Variants in ADAMTSL1 observed in about 807,000 individuals in gnomAD.
ADAMTSL1 encodes ADAMTS like 1.
In ADAMTSL1, 126 loss-of-function variants were observed where a neutral mutation model predicts 201.8. The observed-to-expected ratio is 0.62, with a 90% confidence interval of 0.54 to 0.72. ADAMTSL1 has a LOEUF of 0.72. Ranked by LOEUF, ADAMTSL1 falls within the 30% of genes least tolerant of loss-of-function variation. ADAMTSL1 has a pLI of 0.00. For synonymous variants in ADAMTSL1, 1,121 were observed against 903.4 expected, an observed-to-expected ratio of 1.24 and a Z score of -4.32; for missense variants, 2,679 against 2,277.8, an observed-to-expected ratio of 1.18 and a Z score of -3.59.
At chr9:18,490,068 C>G (rs1822192444) in intron 1 of ADAMTSL1, among the ~76,000 whole-genome samples, 1 of 152,202 alleles carries the variant, frequency 6.6e-6, no homozygotes, top group Admixed American at 6.5e-5. Flanking sequence ...GGACCAATTC[C>G]TCAGCTGGGA....
chr9:17,943,949 T>A (rs943400837), intron 1 of ADAMTSL1, among the ~76,000 whole-genome samples: 1 of 151,702 alleles, frequency 6.6e-6, no homozygotes, highest in Non-Finnish European at 1.5e-5. Context: ...AGAGAGGGAA[T>A]AGGGAGAGAG....
chr9:18,672,679 A>G (rs1829894652), intron 9 of ADAMTSL1, among the ~76,000 whole-genome samples: 1 of 152,134 alleles, frequency 6.6e-6, no homozygotes, highest in Non-Finnish European at 1.5e-5. Context: ...ACATTTGAGC[A>G]TTTTTCCATG....
chr9:18,473,633 T>C (rs890947095), upstream of ADAMTSL1, among the ~76,000 whole-genome samples: 2 of 152,202 alleles, frequency 1.3e-5, no homozygotes, highest in African/African-American at 4.8e-5. Flanking sequence ...AAAACAGTTG[T>C]ACAGAACACA....
At chr9:18,759,732 A>C (rs1819961219) in intron 16 of ADAMTSL1, among the ~76,000 whole-genome samples, 1 of 152,170 alleles carries the variant, frequency 6.6e-6, no homozygotes, top group African/African-American at 2.4e-5. Flanking sequence ...ATTTTGATGG[A>C]TGTGCAGCTG....
intron 2 of ADAMTSL1, among the ~76,000 whole-genome samples, chr9:18,322,560 G>A (rs981789728): frequency 1.3e-5 from 2 of 152,086 alleles, no homozygotes; most frequent in African/African-American, 2.4e-5. Flanking sequence ...TTGAACCTGG[G>A]AAATAGAGGT....
intron 14 of ADAMTSL1, among the ~76,000 whole-genome samples, chr9:18,720,422 G>A (rs1450988172): frequency 1.3e-5 from 2 of 152,200 alleles, no homozygotes; most frequent in African/African-American, 4.8e-5. Flanking sequence ...TCCTGTATAT[G>A]TTAGCTACTG....
intron 2 of ADAMTSL1, among the ~76,000 whole-genome samples, chr9:18,314,934 C>A (rs1405386343): frequency 1.3e-5 from 2 of 150,600 alleles, no homozygotes; most frequent in Non-Finnish European, 3.0e-5. Context: ...GTAGCTGGGA[C>A]TACAGGCGCC....
intron 23 of ADAMTSL1, among the ~76,000 whole-genome samples, chr9:18,860,324 G>A (rs1427642367): frequency 6.6e-6 from 1 of 152,156 alleles, no homozygotes; most frequent in Non-Finnish European, 1.5e-5. Context: ...CCCTCGACCA[G>A]GGGTTGGTCC....
At position 18,847,751 on chromosome 9, in the gene ADAMTSL1, C is replaced by A. The variant is rs965494716; in HGVS notation, c.4249+17774C>A. On this transcript the variant is annotated intron_variant, in intron 23 of 28. Coordinates refer to ENST00000380548, the MANE Select transcript of ADAMTSL1 (RefSeq NM_001040272.6). Reference sequence around the variant, plus strand: ...CATGCCTAGTGTGTTCCAGGAACAACAAAAAGGCCAGTGTGGCCACAATGA... The same window carrying A: ...CATGCCTAGTGTGTTCCAGGAACAAAAAAAAGGCCAGTGTGGCCACAATGA... Among the ~76,000 whole-genome samples, 21 of 152,212 alleles carry A rather than the reference C, an allele frequency of 1.4e-4. No individual in the cohort carries two copies. In the East Asian group the frequency reaches 3.7e-3, roughly 27 times the overall value.
At chr9:18,816,800 T>G (rs1823882700) in intron 20 of ADAMTSL1, among the ~76,000 whole-genome samples, 1 of 129,492 alleles carries the variant, frequency 7.7e-6, no homozygotes. Context: ...AATTTACAAA[T>G]AATAGTTGTG....
At chr9:18,193,470 G>A (rs1829052124) in intron 2 of ADAMTSL1, among the ~76,000 whole-genome samples, 1 of 152,062 alleles carries the variant, frequency 6.6e-6, no homozygotes, top group South Asian at 2.1e-4. Flanking sequence ...CTTGGAAGAA[G>A]CCTTTCTCTC....
At chr9:18,148,451 G>A (rs1362073035) in intron 1 of ADAMTSL1, among the ~76,000 whole-genome samples, 1 of 151,880 alleles carries the variant, frequency 6.6e-6, no homozygotes, top group East Asian at 1.9e-4. Flanking sequence ...AGTCAAATGG[G>A]AATCGGCACA....
chr9:17,991,411 G>T (rs1450061845), intron 1 of ADAMTSL1, among the ~76,000 whole-genome samples: 5 of 152,116 alleles, frequency 3.3e-5, no homozygotes, highest in Non-Finnish European at 5.9e-5. Context: ...TGGTAAAAAG[G>T]TTCTAATCCT....
At position 18,753,521 on chromosome 9, in the gene ADAMTSL1, G is replaced by T. The variant is rs753844235; in HGVS notation, c.2217+13G>T. The T allele has an allele frequency of 6.2e-7, 1 of 1,604,008 alleles. No individual in the cohort carries two copies. The highest frequency in any genetic ancestry group is 1.7e-5 in the Admixed American group (1 of 59,284). ...ACAGTGGCAGCCGGTGAGTTCTGAA[G>T]TTACTCAATATTGGAGCTTTTGTTT... On this transcript the variant is annotated intron_variant, in intron 16 of 28. Transcript: ENST00000380548.
chr9:18,661,502 T>C (rs1055357377), intron 8 of ADAMTSL1, among the ~76,000 whole-genome samples: 2 of 152,206 alleles, frequency 1.3e-5, no homozygotes, highest in African/African-American at 4.8e-5. Flanking sequence ...GGATTTATTT[T>C]GTTTATCTAT....
intron 1 of ADAMTSL1, among the ~76,000 whole-genome samples, chr9:18,138,010 A>C (rs919789784): frequency 6.6e-6 from 1 of 152,132 alleles, no homozygotes; most frequent in Non-Finnish European, 1.5e-5. Flanking sequence ...AAGCCCTGAG[A>C]TGCATAACCT....
At chr9:18,175,863 G>A (rs1318209102) in intron 2 of ADAMTSL1, among the ~76,000 whole-genome samples, 1 of 151,968 alleles carries the variant, frequency 6.6e-6, no homozygotes, top group East Asian at 1.9e-4. Context: ...CTTGACTCAG[G>A]CTGAGGGGCA....
intron 1 of ADAMTSL1, among the ~76,000 whole-genome samples, chr9:18,076,139 A>G (rs1042572253): frequency 6.6e-6 from 1 of 152,166 alleles, no homozygotes; most frequent in Non-Finnish European, 1.5e-5. Context: ...CTTCCTAACC[A>G]AGATCTATTC....
intron 2 of ADAMTSL1, among the ~76,000 whole-genome samples, chr9:18,404,146 A>G (rs1180713742): frequency 2.0e-5 from 3 of 152,196 alleles, no homozygotes; most frequent in Non-Finnish European, 4.4e-5. Context: ...ATCTCATCAC[A>G]TTCTAGTTTC....
Sources: gnomAD v4.1 joint callset for allele counts (sites outside exome capture counted in the v4.1 genomes callset) on GRCh38, gnomAD v4.1.1 for gene constraint, MANE v1.5 for transcripts, NCBI Gene and HGNC (gene_info 2026-07-23, HGNC 2026-07-21) for gene names.